The following NOX4 variants were observed in gnomAD, a reference collection of about 807,000 sequenced individuals.
The protein encoded by NOX4 is NADPH oxidase 4, also known as kidney oxidase-1.
A neutral mutation model predicts 87.6 loss-of-function variants in NOX4; 69 were observed. That is an observed-to-expected ratio of 0.79 (90% CI 0.65 to 0.96). The LOEUF (loss-of-function observed/expected upper bound fraction) is 0.96. NOX4 is among the 40% of genes least tolerant of loss of function. The pLI, the probability that NOX4 is intolerant of heterozygous loss-of-function variation, is 0.00. For missense variants in NOX4, 680 were observed against 681.5 expected, an observed-to-expected ratio of 1.00 and a Z score of 0.02; for synonymous variants, 275 against 238.2, an observed-to-expected ratio of 1.15 and a Z score of -1.42.
intron 2 of NOX4, among the ~76,000 whole-genome samples, chr11:89,461,273 C>T (rs940449503): frequency 1.3e-4 from 19 of 150,942 alleles, no homozygotes; most frequent in Non-Finnish European, 1.9e-4. Flanking sequence ...CAAACCTGCA[C>T]GTTGTGTACA....
the NOX4 span, among the ~76,000 whole-genome samples, chr11:89,517,288 T>C: frequency 6.6e-6 from 1 of 152,122 alleles, no homozygotes; most frequent in East Asian, 1.9e-4. Flanking sequence ...CTATATTTCT[T>C]AAGGTCTGGA....
chr11:89,561,153 C>A, the NOX4 span, among the ~76,000 whole-genome samples: 8 of 144,896 alleles, frequency 5.5e-5, no homozygotes, highest in African/African-American at 2.1e-4. Context: ...CACCACCTCT[C>A]TTTCAAAGTT....
chr11:89,349,704 T>C (rs1946375166), intron 13 of NOX4, among the ~76,000 whole-genome samples: 1 of 152,202 alleles, frequency 6.6e-6, no homozygotes, highest in Admixed American at 6.5e-5. Flanking sequence ...GAGAACTTGA[T>C]CTTTATGAGA....
Position 89,412,140 on chromosome 11 carries a change from C to A in NOX4, c.630-9598G>T, listed in dbSNP as rs184408632. Among the ~76,000 whole-genome samples the A allele has an allele frequency of 3.1e-3, 471 of 152,158 alleles. 2 individuals carry two copies. The highest frequency in any genetic ancestry group is 0.011 in the African/African-American group (450 of 41,514). Reference sequence around the variant, plus strand: ...GATAACAATTGTAAATATATATACACCCAAAACTGCAGCACACAAAAACGT... The same window carrying A: ...GATAACAATTGTAAATATATATACAACCAAAACTGCAGCACACAAAAACGT... On this transcript the variant is annotated intron_variant, in intron 8 of 17. Coordinates refer to ENST00000263317, the MANE Select transcript of NOX4 (RefSeq NM_016931.5).
At chr11:89,388,659 C>T (rs146111433) in intron 11 of NOX4, among the ~76,000 whole-genome samples, 205 of 152,234 alleles carry the variant, frequency 1.3e-3, no homozygotes, top group African/African-American at 4.7e-3. Context: ...TAACCTAAAA[C>T]GTCATTCATC....
chr11:89,416,434 T>C (rs1262366215), intron 8 of NOX4, among the ~76,000 whole-genome samples: 2 of 152,192 alleles, frequency 1.3e-5, no homozygotes, highest in African/African-American at 4.8e-5. Context: ...GAAAGTGGCT[T>C]CTAAAAGGGA....
At chr11:89,347,863 A>C (rs1171007593) in intron 13 of NOX4, among the ~76,000 whole-genome samples, 2 of 152,216 alleles carry the variant, frequency 1.3e-5, no homozygotes, top group African/African-American at 4.8e-5. Flanking sequence ...GCGGTAGCTC[A>C]TGTACCTCTC....
chr11:89,562,472 A>G, the NOX4 span, among the ~76,000 whole-genome samples: 2 of 152,122 alleles, frequency 1.3e-5, no homozygotes, highest in Middle Eastern at 3.4e-3. Context: ...CGATATAAGT[A>G]ACCTGCCCGT....
In NOX4 at chr11:89,455,253, T is replaced by G. The variant is rs931376601; in HGVS notation, c.154-3358A>C. ...GTGTTTGTGTCATAATACCTCAAAC[T>G]TTTCTGACTTTCTATGCATTACCTT... On this transcript the variant is annotated intron_variant, in intron 2 of 17. Transcript: ENST00000263317. Among the ~76,000 whole-genome samples, 7 of 152,142 alleles carry G rather than the reference T, an allele frequency of 4.6e-5. No individual in the cohort carries two copies. In the East Asian group the frequency reaches 1.3e-3, roughly 29 times the overall value.
At chr11:89,422,402 A>T (rs1179809445) in intron 7 of NOX4, among the ~76,000 whole-genome samples, 2 of 152,146 alleles carry the variant, frequency 1.3e-5, no homozygotes, top group Non-Finnish European at 2.9e-5. Context: ...AGGGAAACTC[A>T]AAAAGAGATA....
At chr11:89,347,691 C>T (rs1365778523) in intron 13 of NOX4, among the ~76,000 whole-genome samples, 1 of 152,126 alleles carries the variant, frequency 6.6e-6, no homozygotes, top group Non-Finnish European at 1.5e-5. Flanking sequence ...CCTCTCTCTC[C>T]TCCTCTCCTT....
chr11:89,572,771 C>T, the NOX4 span, among the ~76,000 whole-genome samples: 2 of 152,010 alleles, frequency 1.3e-5, no homozygotes, highest in African/African-American at 4.8e-5. Context: ...TTTCTTTTTA[C>T]ATATATCTCT....
intron 7 of NOX4, among the ~76,000 whole-genome samples, chr11:89,431,701 A>G (rs1310764171): frequency 1.3e-5 from 2 of 152,204 alleles, no homozygotes; most frequent in Non-Finnish European, 2.9e-5. Context: ...TCAGGAAACA[A>G]CAGGTGCTGG....
At chr11:89,346,378 C>T (rs1189215708) in intron 13 of NOX4, among the ~76,000 whole-genome samples, 1 of 151,736 alleles carries the variant, frequency 6.6e-6, no homozygotes, top group Non-Finnish European at 1.5e-5. Flanking sequence ...AATTATGCTC[C>T]AATAACCATT....
At chr11:89,403,558 G>A (rs764219454) in intron 8 of NOX4, among the ~76,000 whole-genome samples, 7 of 151,946 alleles carry the variant, frequency 4.6e-5, no homozygotes, top group African/African-American at 1.2e-4. Context: ...TGACCAACAG[G>A]GAGAAGCCCC....
chr11:89,513,438 G>A, the NOX4 span, among the ~76,000 whole-genome samples: 1 of 151,614 alleles, frequency 6.6e-6, no homozygotes. Flanking sequence ...AAAATCCAAA[G>A]CAATGAAAAA....
At chr11:89,563,156 T>G in the NOX4 span, among the ~76,000 whole-genome samples, 1 of 152,238 alleles carries the variant, frequency 6.6e-6, no homozygotes. Context: ...GGTAGTATCT[T>G]TGTAGCAGTG....
chr11:89,481,544 C>A (rs1219220249), intron 2 of NOX4, among the ~76,000 whole-genome samples: 1 of 151,980 alleles, frequency 6.6e-6, no homozygotes, highest in East Asian at 1.9e-4. Flanking sequence ...AAATGCTTAA[C>A]CACAATTGAA....
intron 11 of NOX4, among the ~76,000 whole-genome samples, chr11:89,388,487 C>A (rs1401166638): frequency 1.3e-5 from 2 of 152,320 alleles, no homozygotes; most frequent in East Asian, 3.9e-4. Context: ...ATTTCATCTG[C>A]AGAGCTCCTG....
Sources: gnomAD v4.1 joint callset for allele counts (sites outside exome capture counted in the v4.1 genomes callset) on GRCh38, gnomAD v4.1.1 for gene constraint, MANE v1.5 for transcripts, NCBI Gene and HGNC (gene_info 2026-07-23, HGNC 2026-07-21) for gene names.